Variants in ZNF385B observed in about 807,000 individuals in gnomAD.
ZNF385B encodes the protein zinc finger protein 533.
ZNF385B carries 23 observed loss-of-function variants against 39.2 expected under a neutral mutation model. The ratio of observed to expected loss-of-function variants is 0.59; its 90% CI spans 0.42 to 0.83. The LOEUF is 0.83. Ranked by LOEUF, ZNF385B falls within the 40% of genes least tolerant of loss-of-function variation. ZNF385B has a pLI of 0.00. For missense variants in ZNF385B, 552 were observed against 598.9 expected (o/e 0.92, Z 0.82); for synonymous variants, 205 against 222.6 (o/e 0.92, Z 0.70).
chr2:179,450,856 T>G (rs2050056398), intron 6 of ZNF385B, among the ~76,000 whole-genome samples: 1 of 151,998 alleles, frequency 6.6e-6, no homozygotes, highest in Non-Finnish European at 1.5e-5. Flanking sequence ...AACCTAAATG[T>G]CCAACAATGA....
At chr2:179,639,340 T>C (rs1172060493) in intron 3 of ZNF385B, among the ~76,000 whole-genome samples, 1 of 151,908 alleles carries the variant, frequency 6.6e-6, no homozygotes, top group African/African-American at 2.4e-5. Context: ...CAGAGATCTA[T>C]TGTATAGCAT....
chr2:179,843,863 C>G (rs527916116), intron 1 of ZNF385B, among the ~76,000 whole-genome samples: 14 of 152,310 alleles, frequency 9.2e-5, no homozygotes, highest in Admixed American at 4.6e-4. Context: ...ATTTTATCTA[C>G]TTTGAGGGGA....
intron 3 of ZNF385B, among the ~76,000 whole-genome samples, chr2:179,699,987 C>T (rs559222964): frequency 6.6e-6 from 1 of 152,024 alleles, no homozygotes; most frequent in Non-Finnish European, 1.5e-5. Context: ...ATAACAATTC[C>T]CCATTCCCTG....
chr2:179,724,134 C>T (rs1700859402), intron 3 of ZNF385B, among the ~76,000 whole-genome samples: 1 of 151,950 alleles, frequency 6.6e-6, no homozygotes, highest in South Asian at 2.1e-4. Flanking sequence ...TATGGTGAAA[C>T]CCCATCTCTA....
At chr2:179,688,042 A>T (rs779264677) in intron 3 of ZNF385B, among the ~76,000 whole-genome samples, 3 of 152,126 alleles carry the variant, frequency 2.0e-5, no homozygotes, top group Non-Finnish European at 4.4e-5. Flanking sequence ...CTCTAGCTAC[A>T]AACTGGGACT....
At chr2:179,504,481 A>G (rs373688826) in intron 5 of ZNF385B, among the ~76,000 whole-genome samples, 1 of 152,146 alleles carries the variant, frequency 6.6e-6, no homozygotes, top group East Asian at 1.9e-4. Flanking sequence ...GCACCAGTTT[A>G]CAGTCCCACC....
intron 1 of ZNF385B, among the ~76,000 whole-genome samples, chr2:179,809,284 T>C (rs1275034055): frequency 6.6e-6 from 1 of 152,192 alleles, no homozygotes; most frequent in East Asian, 1.9e-4. Context: ...CTTTGTCTCA[T>C]GAAGAGAACT....
intron 6 of ZNF385B, among the ~76,000 whole-genome samples, chr2:179,460,982 G>A (rs1422517510): frequency 1.3e-5 from 2 of 152,192 alleles, no homozygotes; most frequent in Non-Finnish European, 2.9e-5. Flanking sequence ...CAAGCAAGAT[G>A]AACCTGTTAG....
intron 3 of ZNF385B, among the ~76,000 whole-genome samples, chr2:179,625,299 A>T (rs927486989): frequency 6.6e-6 from 1 of 152,122 alleles, no homozygotes; most frequent in Admixed American, 6.6e-5. Flanking sequence ...GTTCAGATGC[A>T]AGAATAAGAC....
chr2:179,678,399 G>GA (rs1697151325), intron 3 of ZNF385B, among the ~76,000 whole-genome samples: 6 of 152,166 alleles, frequency 3.9e-5, no homozygotes, highest in Non-Finnish European at 1.5e-5. Context: ...ATGTGACAAA[G>GA]CTCAGGCCAT....
At chr2:179,581,697 A>G (rs764210435) in intron 3 of ZNF385B, among the ~76,000 whole-genome samples, 50 of 152,204 alleles carry the variant, frequency 3.3e-4, no homozygotes, top group Admixed American at 6.5e-5. Context: ...CTTCCCAGAT[A>G]CAGAAAGCAT....
At chr2:179,608,996 A>G (rs1301961072) in intron 3 of ZNF385B, among the ~76,000 whole-genome samples, 1 of 152,094 alleles carries the variant, frequency 6.6e-6, no homozygotes, top group Non-Finnish European at 1.5e-5. Context: ...ATTTTGATAT[A>G]GAAATATAAT....
chr2:179,456,480 C>T (rs955777516), intron 6 of ZNF385B, among the ~76,000 whole-genome samples: 1 of 152,018 alleles, frequency 6.6e-6, no homozygotes, highest in Non-Finnish European at 1.5e-5. Flanking sequence ...ATGCTTTGTA[C>T]CTCAACGTAA....
At chr2:179,562,355 A>T (rs1364182807) in intron 3 of ZNF385B, 1 of 972,674 alleles carries the variant, frequency 1.0e-6, no homozygotes, top group Non-Finnish European at 1.2e-6. Flanking sequence ...ATTTCATAAG[A>T]AAGTTCCTTA....
chr2:179,643,822 A>G (rs1692478339), intron 3 of ZNF385B, among the ~76,000 whole-genome samples: 1 of 152,118 alleles, frequency 6.6e-6, no homozygotes, highest in African/African-American at 2.4e-5. Context: ...CTCTCTATAT[A>G]TATGTATCAA....
chr2:179,595,654 C>G (rs1292552181), intron 3 of ZNF385B, among the ~76,000 whole-genome samples: 1 of 146,384 alleles, frequency 6.8e-6, no homozygotes, highest in Non-Finnish European at 1.5e-5. Flanking sequence ...GAGACAGGGT[C>G]TCACTCTGTT....
In ZNF385B at chr2:179,446,592, T is replaced by C; in HGVS notation, c.894A>G (p.Lys298=). The C allele has an allele frequency of 1.2e-6, 2 of 1,614,104 alleles. No homozygotes were observed. The highest frequency in any genetic ancestry group is 1.1e-5 in the South Asian group (1 of 91,076). The change falls in exon 7 of 10, where the codon AAA becomes AAG. Residue 298 remains lysine, a synonymous_variant. Transcript: ENST00000410066. ...VVESEEEKAK[K]LLYCSLCKVA... The stretch of plus-strand genomic sequence containing the variant: ...CTTTGCATAGTGAACAATAAAGTAA[T>C]TTTTTGGCTTTTTCTTCTTCTGATT...
chr2:179,806,185 A>C (rs1229974147), intron 1 of ZNF385B, among the ~76,000 whole-genome samples: 1 of 152,240 alleles, frequency 6.6e-6, no homozygotes, highest in Non-Finnish European at 1.5e-5. Flanking sequence ...TAATGTCCAA[A>C]ATATGTAAAG....
chr2:179,786,698 C>CTTT (rs201773197), intron 1 of ZNF385B, among the ~76,000 whole-genome samples: 5 of 140,260 alleles, frequency 3.6e-5, no homozygotes, highest in Admixed American at 7.1e-5. Flanking sequence ...CTTTCTTTTT[C>CTTT]TTTTTTTTTT....
Sources: allele counts gnomAD v4.1 joint callset (sites outside exome capture counted in the v4.1 genomes callset), GRCh38; gene constraint gnomAD v4.1.1; transcripts MANE v1.5; gene names NCBI Gene and HGNC (gene_info 2026-07-23, HGNC 2026-07-21).